The following GSE1 variants were observed in gnomAD, a reference collection of about 807,000 sequenced individuals.
GSE1 encodes genetic suppressor element 1.
In GSE1, 32 loss-of-function variants were observed where a neutral mutation model predicts 112.6. The ratio of observed to expected loss-of-function variants is 0.28; its 90% CI spans 0.21 to 0.38. The LOEUF is 0.38. GSE1 is among the 10% of genes least tolerant of loss of function. The pLI is 1.00. For synonymous variants in GSE1, 1,115 were observed against 735.6 expected (o/e 1.52, Z -8.35); for missense variants, 2,348 against 1,699.2 (o/e 1.38, Z -6.71).
chr16:85,480,001 G>A (rs1170353586), intron 2 of GSE1, among the ~76,000 whole-genome samples: 1 of 152,246 alleles, frequency 6.6e-6, no homozygotes, highest in Non-Finnish European at 1.5e-5. Flanking sequence ...AGGCCACACA[G>A]CGGCCATGAT....
intron 2 of GSE1, among the ~76,000 whole-genome samples, chr16:85,536,591 T>G (rs1480522477): frequency 1.3e-5 from 2 of 152,202 alleles, no homozygotes; most frequent in African/African-American, 2.4e-5. Flanking sequence ...TGGCAGCTTC[T>G]TCACCCACAC....
intron 1 of GSE1, among the ~76,000 whole-genome samples, chr16:85,598,458 G>A (rs1401357075): frequency 3.9e-5 from 6 of 152,188 alleles, no homozygotes; most frequent in Non-Finnish European, 5.9e-5. Context: ...GCCTCCAAAC[G>A]ATGCATATTA....
chr16:85,567,611 G>T (rs772617562), intron 1 of GSE1, among the ~76,000 whole-genome samples: 1 of 152,172 alleles, frequency 6.6e-6, no homozygotes, highest in Non-Finnish European at 1.5e-5. Context: ...GCGGAAAGCT[G>T]CACGGCCTTT....
intron 1 of GSE1, among the ~76,000 whole-genome samples, chr16:85,580,633 T>C (rs577790801): frequency 1.3e-5 from 2 of 152,206 alleles, no homozygotes; most frequent in Non-Finnish European, 2.9e-5. Context: ...ACAGGCTGAA[T>C]GTTTGTGCTC....
intron 1 of GSE1, among the ~76,000 whole-genome samples, chr16:85,286,422 C>T (rs543307788): frequency 1.5e-4 from 23 of 152,228 alleles, no homozygotes; most frequent in African/African-American, 4.8e-5. Context: ...AAATTGCTGC[C>T]GCAGTCCGTG....
chr16:85,609,592 TAGTTCCTGA>T (rs1228323337), upstream of GSE1, among the ~76,000 whole-genome samples: 2 of 152,178 alleles, frequency 1.3e-5, no homozygotes, highest in Non-Finnish European at 2.9e-5. Flanking sequence ...ACACCCCTCT[TAGTTCCTGA>T]GCTCAGGGAG....
At chr16:85,585,437 G>A (rs1251498715) in intron 1 of GSE1, among the ~76,000 whole-genome samples, 3 of 152,254 alleles carry the variant, frequency 2.0e-5, no homozygotes, top group Non-Finnish European at 2.9e-5. Flanking sequence ...GGCCCGTGCC[G>A]TGAGACCCCA....
intron 1 of GSE1, among the ~76,000 whole-genome samples, chr16:85,603,724 C>G (rs1222390044): frequency 6.6e-6 from 1 of 152,132 alleles, no homozygotes; most frequent in Non-Finnish European, 1.5e-5. Flanking sequence ...CTGAGCTGGT[C>G]TCCAACTCCA....
chr16:85,395,876 A>G (rs1379568952), intron 2 of GSE1, among the ~76,000 whole-genome samples: 2 of 151,636 alleles, frequency 1.3e-5, no homozygotes, highest in Non-Finnish European at 2.9e-5. Context: ...GAGAGAAGAA[A>G]ACCAGCCAGC....
chr16:85,490,611 C>T (rs1403679044), intron 2 of GSE1: 2 of 152,210 alleles, frequency 1.3e-5, no homozygotes, highest in Non-Finnish European at 2.9e-5. Context: ...CAGAGAGGCA[C>T]CCCGAGTGGA....
At chr16:85,480,754 C>T (rs1322442378) in intron 2 of GSE1, among the ~76,000 whole-genome samples, 2 of 151,678 alleles carry the variant, frequency 1.3e-5, no homozygotes, top group Non-Finnish European at 1.5e-5. Flanking sequence ...CCAGCACTGT[C>T]GGTCAGGTCC....
intron 1 of GSE1, among the ~76,000 whole-genome samples, chr16:85,603,122 G>C (rs561490187): frequency 6.6e-6 from 1 of 152,248 alleles, no homozygotes; most frequent in Non-Finnish European, 1.5e-5. Context: ...CAGAGCTCAC[G>C]AGGCAGCAAG....
At chr16:85,616,868 C>T (rs1185718681) in intron 1 of GSE1, among the ~76,000 whole-genome samples, 1 of 152,150 alleles carries the variant, frequency 6.6e-6, no homozygotes, top group Non-Finnish European at 1.5e-5. Flanking sequence ...CCTCTGAATC[C>T]AGCCGTGTGC....
chr16:85,331,363 G>GTATATATATATA (rs1396264079), intron 1 of GSE1, among the ~76,000 whole-genome samples: 2 of 45,446 alleles, frequency 4.4e-5, no homozygotes, highest in Non-Finnish European at 1.1e-4. Flanking sequence ...GTGTGTGTGT[G>GTATATATATATA]TGTATATATG....
chr16:85,613,168 G>T, upstream of GSE1: 1 of 1,379,128 alleles, frequency 7.3e-7, no homozygotes, highest in Admixed American at 3.4e-5. Context: ...TCAGGGAGCC[G>T]GGAGCGAGCC....
In GSE1 at chr16:85,384,962, G is replaced by A. The variant is rs567321034; in HGVS notation, c.2464+27319G>A. ...CCTGCCGCAGACCCAGCAGGTTAGCGTGCTGTGCACACCTGCCCCGCCCGC... is the reference window on the plus strand; with the variant it reads ...CCTGCCGCAGACCCAGCAGGTTAGCATGCTGTGCACACCTGCCCCGCCCGC... On this transcript the variant is annotated intron_variant, in intron 2 of 2. Transcript: ENST00000637419. Among the ~76,000 whole-genome samples the A allele has an allele frequency of 2.3e-4, 35 of 152,376 alleles. No homozygotes were observed. The South Asian group carries it at 5.0e-3, about 22-fold the overall frequency.
In GSE1 at chr16:85,594,232, T is replaced by TGGGGG. The variant is rs1567626522; in HGVS notation, c.37+37869_37+37870insGGGGG. 1.4e-3 allele frequency: 9 copies of TGGGGG among 6,594 alleles called. 1 individual carries two copies. The highest frequency in any genetic ancestry group is 2.5e-3 in the African/African-American group (5 of 1,984). The allele number at this position is 6,594 out of a possible 1,614,324, so 0.4% of individuals were successfully genotyped here. A position where few individuals can be genotyped will look rare whatever the true frequency, so the allele number is the denominator to read the frequency against. ...GGGCCTGGGCCCGATCCCTGGGGGG[T>TGGGGG]TGGGGGGGGGGGGCGGAGGGGACAG... On this transcript the variant is annotated intron_variant, in intron 1 of 2. Transcript: ENST00000635906.
chr16:85,587,194 A>C (rs1450959400), intron 1 of GSE1, among the ~76,000 whole-genome samples: 4 of 147,356 alleles, frequency 2.7e-5, no homozygotes, highest in African/African-American at 5.1e-5. Flanking sequence ...ACCAGACCCC[A>C]TGGTCTGGAG....
intron 2 of GSE1, among the ~76,000 whole-genome samples, chr16:85,487,809 C>G (rs1372893429): frequency 6.6e-6 from 1 of 152,252 alleles, no homozygotes; most frequent in Non-Finnish European, 1.5e-5. Flanking sequence ...AGGCAGGCAT[C>G]TGTGTGACCT....
Sources: allele counts gnomAD v4.1 joint callset (sites outside exome capture counted in the v4.1 genomes callset), GRCh38; gene constraint gnomAD v4.1.1; transcripts MANE v1.5; gene names NCBI Gene and HGNC (gene_info 2026-07-23, HGNC 2026-07-21).